The following CD59 variants were observed in gnomAD, a reference collection of about 807,000 sequenced individuals.
The protein encoded by CD59 is CD59 molecule (CD59 blood group), also known as CD59 glycoprotein.
Under a neutral mutation model 7.0 loss-of-function variants are expected in CD59, and 3 were observed. The observed-to-expected ratio is 0.43, with a 90% CI of 0.19 to 1.10. The LOEUF (loss-of-function observed/expected upper bound fraction) is 1.10. Ranked by LOEUF, CD59 falls within the 50% of genes least tolerant of loss-of-function variation. The pLI, the probability that CD59 is intolerant of heterozygous loss-of-function variation, is 0.29. For missense variants in CD59, 143 were observed against 151.0 expected, an observed-to-expected ratio of 0.95 and a Z score of 0.28; for synonymous variants, 60 against 62.0, an observed-to-expected ratio of 0.97 and a Z score of 0.15.
intron 1 of CD59, 35 bp from the exon 2 acceptor site, chr11:33,722,498 G>A (rs1310750396): frequency 1.5e-5 from 24 of 1,610,982 alleles, no homozygotes; most frequent in Non-Finnish European, 2.0e-5. Context: ...TGTCAGGAAC[G>A]AACAAATGAC....
chr11:33,729,506 A>G (rs2252927), intron 1 of CD59, among the ~76,000 whole-genome samples: 92,576 of 150,994 alleles, frequency 0.61, 28,570 homozygotes, highest in African/African-American at 0.66. Context: ...ATCAGACACC[A>G]GGGCCTGTCG....
chr11:33,720,019 G>C (rs831631), intron 2 of CD59, among the ~76,000 whole-genome samples: 96,046 of 152,130 alleles, frequency 0.63, 30,706 homozygotes, highest in African/African-American at 0.73. Context: ...GATTTTTGTG[G>C]TGGCTAGATC....
chr11:33,719,267 G>C (rs1853941268), intron 2 of CD59: 1 of 152,204 alleles, frequency 6.6e-6, no homozygotes, highest in Non-Finnish European at 1.5e-5. Flanking sequence ...CTACCCAATA[G>C]AGGATCCTCT....
In CD59 at chr11:33,704,413, C is replaced by G. The variant is rs1223163661; in HGVS notation, c.*5713G>C. 1.3e-5 allele frequency: 2 copies of G among 152,070 alleles called. No individual in the cohort carries two copies. The highest frequency in any genetic ancestry group is 2.9e-5 in the Non-Finnish European group (2 of 68,026). The allele number at this position is 152,070 out of a possible 1,614,324, so 9.4% of individuals were successfully genotyped here. On this transcript the variant is annotated 3_prime_UTR_variant, in exon 4 of 4. Coordinates refer to ENST00000642928, the MANE Select transcript of CD59 (RefSeq NM_000611.6). Reference sequence around the variant, plus strand: ...ATGGATTCCTTGATTCCCCATTAAGCCCTGGTGGATGAATGAGGAAAATGC... The same window carrying G: ...ATGGATTCCTTGATTCCCCATTAAGGCCTGGTGGATGAATGAGGAAAATGC...
At chr11:33,725,801 A>C (rs973436417) in intron 1 of CD59, among the ~76,000 whole-genome samples, 2 of 152,188 alleles carry the variant, frequency 1.3e-5, no homozygotes, top group African/African-American at 4.8e-5. Flanking sequence ...TAGCCAGGAA[A>C]AGTAATGGGC....
At chr11:33,718,952 T>C (rs1237092810) in intron 2 of CD59, 1 of 152,228 alleles carries the variant, frequency 6.6e-6, no homozygotes, top group Non-Finnish European at 1.5e-5. Context: ...ACTATCTTCA[T>C]GCCATATGAC....
chr11:33,727,947 G>C lies in CD59; in HGVS notation c.-18-5484C>G, dbSNP rs969802239. Among the ~76,000 whole-genome samples, 20 of 152,016 alleles carry C rather than the reference G, an allele frequency of 1.3e-4. 1 individual carries two copies. Among genetic ancestry groups the C allele is most frequent in the Non-Finnish European group, 2.8e-4 (19 of 68,004 alleles). ...TGCTATAAAAAGAATAAAATACCTA[G>C]GAATCTAACTCACAAGGGATGTGAA... On this transcript the variant is annotated intron_variant, in intron 1 of 3. Coordinates refer to ENST00000642928, the MANE Select transcript of CD59 (RefSeq NM_000611.6).
At chr11:33,722,784 A>G (rs113261751) in intron 1 of CD59, 1 of 1,018,564 alleles carries the variant, frequency 9.8e-7, no homozygotes, top group Non-Finnish European at 1.3e-6. Context: ...TACTGGCCCC[A>G]CCCCAAGCTG....
At chr11:33,713,283 T>C (rs777068669) in intron 3 of CD59, among the ~76,000 whole-genome samples, 3 of 152,196 alleles carry the variant, frequency 2.0e-5, no homozygotes, top group South Asian at 4.1e-4. Context: ...TAAGAAGGTA[T>C]TTGTCCTTGC....
Position 33,708,987 on chromosome 11 carries a change from G to C in CD59, c.*1139C>G, listed in dbSNP as rs1853429985. 6.6e-6 allele frequency: 1 copy of C among 152,092 alleles called. No individual in the cohort carries two copies. The highest frequency in any genetic ancestry group is 1.5e-5 in the Non-Finnish European group (1 of 68,018). The allele number at this position is 152,092 out of a possible 1,614,324, so 9.4% of individuals were successfully genotyped here. A position where few individuals can be genotyped will look rare whatever the true frequency, so the allele number is the denominator to read the frequency against. On this transcript the variant is annotated 3_prime_UTR_variant, in exon 4 of 4. Coordinates refer to ENST00000642928, the MANE Select transcript of CD59 (RefSeq NM_000611.6). The stretch of plus-strand genomic sequence containing the variant: ...AGATCATAAAATACAAATGTCATTA[G>C]GTCTACTGAATCTTGAGATTCATTC...
In CD59 at chr11:33,729,853, C is replaced by A. The variant is rs550610381; in HGVS notation, c.-19+6529G>T. On this transcript the variant is annotated intron_variant, in intron 1 of 3. Coordinates refer to ENST00000642928, the MANE Select transcript of CD59 (RefSeq NM_000611.6). ...GTTCATCCAAAACCCCAACCGGCCC[C>A]CCAAATATCAATTAAATATATATAT... Among the ~76,000 whole-genome samples, 185 of 152,056 alleles carry A rather than the reference C, an allele frequency of 1.2e-3. 1 individual carries two copies. The highest frequency in any genetic ancestry group is 4.1e-3 in the African/African-American group (171 of 41,444).
At chr11:33,722,245 C>G in intron 2 of CD59, 134 bp downstream of exon 2, 1 of 728,000 alleles carries the variant, frequency 1.4e-6, no homozygotes, top group South Asian at 1.5e-5. Flanking sequence ...TCATACAACC[C>G]CAGACCTGTA....
intron 1 of CD59, among the ~76,000 whole-genome samples, chr11:33,731,266 C>T (rs775083536): frequency 1.1e-4 from 17 of 151,108 alleles, no homozygotes; most frequent in African/African-American, 3.4e-4. Context: ...TACATATATA[C>T]GTAAAAACAC....
chr11:33,711,176 C>T (rs1456079829), intron 3 of CD59, among the ~76,000 whole-genome samples: 1 of 151,880 alleles, frequency 6.6e-6, no homozygotes, highest in Non-Finnish European at 1.5e-5. Context: ...TTGCAAATCA[C>T]ATGTAAACCA....
chr11:33,729,871 A>G (rs1463832515), intron 1 of CD59, among the ~76,000 whole-genome samples: 1 of 152,114 alleles, frequency 6.6e-6, no homozygotes, highest in Non-Finnish European at 1.5e-5. Context: ...TCAATTAAAT[A>G]TATATATACA....
At chr11:33,723,129 G>T in intron 1 of CD59, 1 of 179,342 alleles carries the variant, frequency 5.6e-6, no homozygotes, top group Non-Finnish European at 1.1e-5. Context: ...GGGAGGTTTT[G>T]AACTTGCCTA....
intron 1 of CD59, among the ~76,000 whole-genome samples, chr11:33,731,016 T>A (rs1854401121): frequency 6.6e-6 from 1 of 152,222 alleles, no homozygotes; most frequent in Non-Finnish European, 1.5e-5. Flanking sequence ...TAAGTAACAT[T>A]TTCTTTTCTC....
At chr11:33,711,411 G>C in intron 3 of CD59, 1 of 701,746 alleles carries the variant, frequency 1.4e-6, no homozygotes, top group Non-Finnish European at 2.6e-6. Context: ...AATGAGGCCA[G>C]TGTGATGGCT....
At chr11:33,710,655 T>C (rs1271964875) in intron 3 of CD59, among the ~76,000 whole-genome samples, 2 of 152,172 alleles carry the variant, frequency 1.3e-5, no homozygotes, top group Non-Finnish European at 2.9e-5. Context: ...CATGCCCCCT[T>C]TGATCCAGCA....
Sources: gnomAD v4.1 joint callset for allele counts (sites outside exome capture counted in the v4.1 genomes callset) on GRCh38, gnomAD v4.1.1 for gene constraint, MANE v1.5 for transcripts, NCBI Gene and HGNC (gene_info 2026-07-23, HGNC 2026-07-21) for gene names.